DCDC2C: variants seen among roughly 807,000 people sequenced by gnomAD.
DCDC2C encodes doublecortin domain-containing protein 2C.
Under a neutral mutation model 45.0 loss-of-function variants are expected in DCDC2C, and 44 were observed. The ratio of observed to expected loss-of-function variants is 0.98; its 90% confidence interval spans 0.77 to 1.26. The LOEUF is 1.26. Ranked by LOEUF, DCDC2C falls within the 50% of genes most tolerant of loss-of-function variation. DCDC2C has a pLI of 0.00. For missense variants in DCDC2C, 447 were observed against 468.9 expected (o/e 0.95, Z 0.43); for synonymous variants, 187 against 178.8 (o/e 1.05, Z -0.37).
intron 10 of DCDC2C, 95 bp from the exon 11 acceptor site, chr2:3,847,059 C>G (rs989268508): frequency 8.9e-6 from 3 of 335,914 alleles, no homozygotes; most frequent in Non-Finnish European, 1.3e-5. Context: ...CAGAATCCAA[C>G]AGAAATGCAA....
At chr2:3,762,009 G>A (rs758879561) in intron 6 of DCDC2C, among the ~76,000 whole-genome samples, 4 of 152,074 alleles carry the variant, frequency 2.6e-5, no homozygotes, top group Non-Finnish European at 5.9e-5. Context: ...ATTGAGAAGC[G>A]GTACCTGTCC....
At chr2:3,825,083 T>C (rs1450051405) in intron 10 of DCDC2C, among the ~76,000 whole-genome samples, 2 of 152,168 alleles carry the variant, frequency 1.3e-5, no homozygotes, top group African/African-American at 2.4e-5. Flanking sequence ...GGGAGGGCCC[T>C]GAGGTTTCCT....
At chr2:3,747,468 A>T (rs1465790921) in intron 4 of DCDC2C, among the ~76,000 whole-genome samples, 1 of 152,164 alleles carries the variant, frequency 6.6e-6, no homozygotes, top group Non-Finnish European at 1.5e-5. Context: ...GAAGTGGGCC[A>T]TTGTCATGGA....
chr2:3,757,782 C>T (rs1669761914), intron 6 of DCDC2C, among the ~76,000 whole-genome samples: 1 of 152,200 alleles, frequency 6.6e-6, no homozygotes, highest in Non-Finnish European at 1.5e-5. Context: ...AATTAAATCA[C>T]CCCAGATGCC....
At chr2:3,769,203 A>G (rs1670094610) in intron 7 of DCDC2C, 108 bp from the exon 8 acceptor site, 1 of 1,057,030 alleles carries the variant, frequency 9.5e-7, no homozygotes. Flanking sequence ...GGCCTGCCCG[A>G]AGCTCCAGGA....
intron 6 of DCDC2C, among the ~76,000 whole-genome samples, chr2:3,755,122 CAT>C (rs1256873134): frequency 6.6e-6 from 1 of 151,870 alleles, no homozygotes; most frequent in East Asian, 1.9e-4. Flanking sequence ...TGTATAAATA[CAT>C]GTGTGTGGAG....
chr2:3,841,924 T>C (rs1672225223), intron 10 of DCDC2C, among the ~76,000 whole-genome samples: 1 of 152,168 alleles, frequency 6.6e-6, no homozygotes, highest in Non-Finnish European at 1.5e-5. Flanking sequence ...GTCCATTTTT[T>C]CCATTCAAAA....
At chr2:3,823,772 T>A (rs1467209561) in intron 10 of DCDC2C, among the ~76,000 whole-genome samples, 1 of 152,256 alleles carries the variant, frequency 6.6e-6, no homozygotes, top group East Asian at 1.9e-4. Context: ...CTTTTTGAAT[T>A]TTTTTGAATT....
chr2:3,751,201 G>A (rs1669532423), intron 4 of DCDC2C, among the ~76,000 whole-genome samples: 2 of 152,204 alleles, frequency 1.3e-5, no homozygotes, highest in African/African-American at 2.4e-5. Context: ...GGGAGCAGTT[G>A]CTTTGGGGGT....
Position 3,832,416 on chromosome 2 carries a change from G to A in DCDC2C, c.1066-14738G>A, listed in dbSNP as rs917308902. Among the ~76,000 whole-genome samples, 4 of 152,162 alleles carry A rather than the reference G, an allele frequency of 2.6e-5. No homozygotes were observed. The South Asian group carries it at 8.3e-4, about 32-fold the overall frequency. ...TCCTTTGCACTTTCTCTTCAGATAG[G>A]TGGTCCCACTGCTTCATTCTTCCTT... On this transcript the variant is annotated intron_variant, in intron 10 of 10. Transcript: ENST00000399143.
chr2:3,804,213 G>GA (rs983461356), intron 10 of DCDC2C, among the ~76,000 whole-genome samples: 1 of 152,170 alleles, frequency 6.6e-6, no homozygotes, highest in Non-Finnish European at 1.5e-5. Context: ...GTGATTGGCT[G>GA]ATATTTGACA....
chr2:3,809,611 C>T (rs769905883), intron 10 of DCDC2C, among the ~76,000 whole-genome samples: 24 of 152,144 alleles, frequency 1.6e-4, no homozygotes, highest in Admixed American at 7.2e-4. Flanking sequence ...GAGTTCTGGT[C>T]GCTTTTTAAA....
rs1302952404 is a variant in DCDC2C at position 3,725,658 on chromosome 2, G to A, written c.340-1345G>A. On this transcript the variant is annotated intron_variant, in intron 2 of 10. Coordinates refer to ENST00000399143, the MANE Select transcript of DCDC2C (RefSeq NM_001287444.2). ...AGGATGGCCAGGTGGATCCCGGAGG[G>A]AGATGAGCAGAGAGTGAGGAGGCTG... is the stretch of plus-strand genomic sequence containing the variant. Among the ~76,000 whole-genome samples, 693 of 138,946 alleles carry A rather than the reference G, an allele frequency of 5.0e-3. 1 individual carries two copies. The highest frequency in any genetic ancestry group is 0.015 in the African/African-American group (534 of 34,642). 91.2% of individuals were successfully genotyped at this position (138,946 alleles called of 152,430 possible). A position where few individuals can be genotyped will look rare whatever the true frequency, so the allele number is the denominator to read the frequency against.
At chr2:3,771,847 A>G (rs907704599) in intron 8 of DCDC2C, among the ~76,000 whole-genome samples, 3 of 152,240 alleles carry the variant, frequency 2.0e-5, no homozygotes, top group African/African-American at 4.8e-5. Context: ...GGTGACTGGC[A>G]TACCCATGGA....
At chr2:3,820,228 A>G (rs776050804) in intron 10 of DCDC2C, among the ~76,000 whole-genome samples, 1 of 152,186 alleles carries the variant, frequency 6.6e-6, no homozygotes, top group Non-Finnish European at 1.5e-5. Context: ...TTTTCTGGCT[A>G]TTTAGAACAA....
Position 3,793,958 on chromosome 2 carries a change from T to C in DCDC2C, c.1065+8858T>C, listed in dbSNP as rs1670889463. 2.0e-5 allele frequency among the ~76,000 whole-genome samples: 3 copies of C among 152,242 alleles called. No individual in the cohort carries two copies. In the South Asian group the frequency reaches 6.2e-4, roughly 32 times the overall value. On this transcript the variant is annotated intron_variant, in intron 10 of 10. Transcript: ENST00000399143. ...CTTGAAAAAGAGAGGAATATTTGAA[T>C]AGACTTTGTTGATAATTGTGGATAT... is the stretch of plus-strand genomic sequence containing the variant.
intron 2 of DCDC2C, among the ~76,000 whole-genome samples, chr2:3,724,135 A>G (rs2148067156): frequency 6.6e-6 from 1 of 152,330 alleles, no homozygotes; most frequent in South Asian, 2.1e-4. Context: ...GATCCATTCT[A>G]AAAATTAATC....
intron 4 of DCDC2C, among the ~76,000 whole-genome samples, chr2:3,745,780 A>G (rs1307455216): frequency 3.9e-5 from 6 of 152,114 alleles, no homozygotes; most frequent in Non-Finnish European, 8.8e-5. Context: ...GCACAATCAC[A>G]GCTCACTGAG....
chr2:3,752,891 A>G lies in DCDC2C; in HGVS notation c.674A>G (p.Glu225Gly). ...PYWKSPRVPS[E>G]VQQRYANVEK... is the part of the protein sequence containing the mutation. ...TGGAAGTCTCCAAGGGTGCCCAGTGAGGTCCAACAGTGAGCATGCTTCGTA... is the reference window on the plus strand; with the variant it reads ...TGGAAGTCTCCAAGGGTGCCCAGTGGGGTCCAACAGTGAGCATGCTTCGTA... Residue 225 changes from glutamate (E) to glycine (G), a missense_variant, in exon 5 of 11, where the codon GAG (glutamate) becomes GGG (glycine). Physicochemically the swap from Glu to Gly is moderately conservative, Grantham distance 98. Coordinates refer to ENST00000399143, the MANE Select transcript of DCDC2C (RefSeq NM_001287444.2). 6.4e-7 allele frequency: 1 copy of G among 1,550,500 alleles called. No homozygotes were observed.
Sources: allele counts gnomAD v4.1 joint callset (sites outside exome capture counted in the v4.1 genomes callset), GRCh38; gene constraint gnomAD v4.1.1; transcripts MANE v1.5; gene names NCBI Gene and HGNC (gene_info 2026-07-23, HGNC 2026-07-21).